TTC22: variants seen among roughly 807,000 people sequenced by gnomAD.
TTC22 encodes tetratricopeptide repeat domain 22.
In TTC22, 42 loss-of-function variants were observed where a neutral mutation model predicts 48.2. That is an observed-to-expected ratio of 0.87 (90% CI 0.68 to 1.13). The LOEUF (loss-of-function observed/expected upper bound fraction) is 1.13, where lower values mean the gene tolerates loss of function less well. Ranked by LOEUF, TTC22 falls within the 50% of genes most tolerant of loss-of-function variation. TTC22 has a pLI of 0.00. For missense variants in TTC22, 784 were observed against 807.0 expected (o/e 0.97, Z 0.34); for synonymous variants, 345 against 365.5 (o/e 0.94, Z 0.64).
intron 1 of TTC22, among the ~76,000 whole-genome samples, chr1:54,799,082 C>T (rs1256473852): frequency 6.6e-6 from 1 of 152,246 alleles, no homozygotes; most frequent in Non-Finnish European, 1.5e-5. Flanking sequence ...GTCTCCAAAT[C>T]CCAAACTCTC....
intron 1 of TTC22, among the ~76,000 whole-genome samples, chr1:54,790,529 G>A (rs754035666): frequency 2.5e-4 from 38 of 152,262 alleles, no homozygotes; most frequent in Admixed American, 5.2e-4. Context: ...CTGGAGGGGA[G>A]AAGGGATGGC....
At chr1:54,784,476 C>T in intron 5 of TTC22, 1 of 919,060 alleles carries the variant, frequency 1.1e-6, no homozygotes, top group Non-Finnish European at 1.3e-6. Context: ...TATGTGGCCT[C>T]ATTTGTAGGA....
rs200133292 is a variant in TTC22 at position 54,800,711 on chromosome 1, G to T, written c.453C>A (p.Ala151=). ...DPQLRAARCL[A]EQGYAHGFDV... ...CGAAGCCATGCGCGTAGCCCTGCTC[G>T]GCCAGGCAGCGAGCGGCGCGGAGCT... Residue 151 remains alanine, a synonymous_variant, in exon 1 of 7, where the codon GCC becomes GCA. Coordinates refer to ENST00000371276, the MANE Select transcript of TTC22 (RefSeq NM_001114108.2). 2.2e-4 allele frequency: 344 copies of T among 1,545,100 alleles called. No homozygotes were observed. The East Asian group carries it at 8.2e-3, about 37-fold the overall frequency.
intron 1 of TTC22, among the ~76,000 whole-genome samples, chr1:54,797,596 C>T (rs1189834580): frequency 2.0e-5 from 3 of 151,822 alleles, no homozygotes; most frequent in Admixed American, 6.6e-5. Flanking sequence ...TGCAGTGAGC[C>T]GAGATCGTGC....
intron 1 of TTC22, among the ~76,000 whole-genome samples, chr1:54,798,425 G>A (rs1208190790): frequency 6.6e-6 from 1 of 152,158 alleles, no homozygotes; most frequent in East Asian, 1.9e-4. Flanking sequence ...CCAACCTTTG[G>A]TCCCCATATC....
At position 54,800,945 on chromosome 1, in the gene TTC22, G is replaced by A. The variant is rs772753940; in HGVS notation, c.219C>T (p.Gly73=). 4 of 1,607,154 alleles carry A rather than the reference G, an allele frequency of 2.5e-6. No individual in the cohort carries two copies. In the Admixed American group the frequency reaches 5.0e-5, roughly 20 times the overall value. Residue 73 remains glycine (G), a synonymous_variant, in exon 1 of 7, where the codon GGC becomes GGT. Coordinates refer to ENST00000371276, the MANE Select transcript of TTC22 (RefSeq NM_001114108.2). ...PQRPAVRHLL[G]AFAFYLEELD... is the part of the protein sequence containing the mutation. ...GCTCCTCCAGGTAGAATGCGAAAGC[G>A]CCCAGGAGGTGACGCACAGCGGGGC... is the stretch of plus-strand genomic sequence containing the variant.
At chr1:54,800,349 T>C (rs920151495) in intron 1 of TTC22, among the ~76,000 whole-genome samples, 7 of 152,150 alleles carry the variant, frequency 4.6e-5, no homozygotes, top group African/African-American at 1.7e-4. Context: ...ATTGTCCAGG[T>C]TGGGCTTGTG....
Position 54,784,902 on chromosome 1 carries a change from G to A in TTC22, c.1020+1081C>T, listed in dbSNP as rs1276357226. The A allele has an allele frequency of 6.2e-6, 5 of 811,102 alleles. No individual in the cohort carries two copies. The South Asian group carries it at 7.2e-5, about 12-fold the overall frequency. The allele number at this position is 811,102 out of a possible 1,614,324, so 50.2% of individuals were successfully genotyped here. On this transcript the variant is annotated intron_variant, in intron 5 of 6. Transcript: ENST00000371276. Reference sequence around the variant, plus strand: ...CTAGCAGGAGGCAGAACTCACCTAAGTGTGTAACTTGCAGAGCTGAATGAC... The same window carrying A: ...CTAGCAGGAGGCAGAACTCACCTAAATGTGTAACTTGCAGAGCTGAATGAC...
chr1:54,794,745 A>G (rs145001795), intron 1 of TTC22: 42 of 152,418 alleles, frequency 2.8e-4, no homozygotes, highest in African/African-American at 9.4e-4. Context: ...CAGATCAGGA[A>G]ACAGAGACTA....
chr1:54,796,285 C>A (rs1329358683), intron 1 of TTC22, among the ~76,000 whole-genome samples: 2 of 152,254 alleles, frequency 1.3e-5, no homozygotes, highest in Non-Finnish European at 2.9e-5. Flanking sequence ...CAGGTCCCCA[C>A]CCCGCTGGGC....
chr1:54,780,515 G>A lies in TTC22; in HGVS notation c.*728C>T, dbSNP rs1024155039. The A allele has an allele frequency of 1.3e-5, 2 of 148,814 alleles. No individual in the cohort carries two copies. The highest frequency in any genetic ancestry group is 4.9e-5 in the African/African-American group (2 of 40,546). 9.2% of individuals were successfully genotyped at this position (148,814 alleles called of 1,614,324 possible). On this transcript the variant is annotated 3_prime_UTR_variant, in exon 7 of 7. Transcript: ENST00000371276. ...AAAAAAAAAAAAAAAAAGGGGGGGGGCAGGTGGCACCTCCTAATGGGTGGC... is the reference window on the plus strand; with the variant it reads ...AAAAAAAAAAAAAAAAAGGGGGGGGACAGGTGGCACCTCCTAATGGGTGGC...
intron 1 of TTC22, among the ~76,000 whole-genome samples, chr1:54,799,144 G>A (rs1557777929): frequency 6.6e-6 from 1 of 152,184 alleles, no homozygotes; most frequent in Non-Finnish European, 1.5e-5. Flanking sequence ...CAGAACTGTG[G>A]AGCAGCTGCT....
In TTC22 at chr1:54,787,696, C is replaced by A. The variant is rs1456821969; in HGVS notation, c.739+15G>T. On this transcript the variant is annotated intron_variant, in intron 3 of 6. Transcript: ENST00000371276. ...GGGCAGAGGCTGCTGTCCCACCCAT[C>A]CCCCGGGTCCCCACCTCGGTGGCGG... is the stretch of plus-strand genomic sequence containing the variant. The A allele has an allele frequency of 6.3e-7, 1 of 1,597,234 alleles. No individual in the cohort carries two copies. Among genetic ancestry groups the A allele is most frequent in the South Asian group, 1.1e-5 (1 of 89,546 alleles).
intron 1 of TTC22, among the ~76,000 whole-genome samples, chr1:54,799,592 G>C (rs948680858): frequency 6.6e-6 from 1 of 152,196 alleles, no homozygotes; most frequent in African/African-American, 2.4e-5. Context: ...TGTCATGACC[G>C]CATTCAACAC....
At chr1:54,783,343 T>G (rs1646276868) in intron 5 of TTC22, among the ~76,000 whole-genome samples, 1 of 152,168 alleles carries the variant, frequency 6.6e-6, no homozygotes, top group Non-Finnish European at 1.5e-5. Context: ...TGGAGGGAGT[T>G]CCACAACTCT....
Position 54,784,921 on chromosome 1 carries a change from G to A in TTC22, c.1020+1062C>T, listed in dbSNP as rs528278842. 21 of 550,884 alleles carry A rather than the reference G, an allele frequency of 3.8e-5. No individual in the cohort carries two copies. In the Admixed American group the frequency reaches 6.5e-4, roughly 17 times the overall value. 34.1% of individuals were successfully genotyped at this position (550,884 alleles called of 1,614,324 possible). A position where few individuals can be genotyped will look rare whatever the true frequency, so the allele number is the denominator to read the frequency against. On this transcript the variant is annotated intron_variant, in intron 5 of 6. Coordinates refer to ENST00000371276, the MANE Select transcript of TTC22 (RefSeq NM_001114108.2). Reference sequence around the variant, plus strand: ...ACCTAAGTGTGTAACTTGCAGAGCTGAATGACTATGCAGTGGACTGCATCA... The same window carrying A: ...ACCTAAGTGTGTAACTTGCAGAGCTAAATGACTATGCAGTGGACTGCATCA...
At position 54,784,809 on chromosome 1, in the gene TTC22, G is replaced by A. The variant is rs958384798; in HGVS notation, c.1020+1174C>T. 6.9e-6 allele frequency: 9 copies of A among 1,300,022 alleles called. No individual in the cohort carries two copies. In the African/African-American group the frequency reaches 1.2e-4, roughly 18 times the overall value. 80.5% of individuals were successfully genotyped at this position (1,300,022 alleles called of 1,614,324 possible). Reference sequence around the variant, plus strand: ...CAGTGAAGTAAACTGGGAGCTCCGAGTCGGCTTCCTCAAGCACATGGGCTC... The same window carrying A: ...CAGTGAAGTAAACTGGGAGCTCCGAATCGGCTTCCTCAAGCACATGGGCTC... On this transcript the variant is annotated intron_variant, in intron 5 of 6. Transcript: ENST00000371276.
In TTC22 at chr1:54,781,210, T is replaced by C; in HGVS notation, c.*33A>G. 7.2e-7 allele frequency: 1 copy of C among 1,384,102 alleles called. No individual in the cohort carries two copies. Among genetic ancestry groups the C allele is most frequent in the Non-Finnish European group, 9.3e-7 (1 of 1,073,250 alleles). 85.7% of individuals were successfully genotyped at this position (1,384,102 alleles called of 1,614,324 possible). On this transcript the variant is annotated 3_prime_UTR_variant, in exon 7 of 7. Transcript: ENST00000371276. ...TCAGCTGGGCGGGGCCTGGGCGGGG[T>C]CCCAGGGAGCCTCCGGCCTGGGCAC...
intron 5 of TTC22, among the ~76,000 whole-genome samples, chr1:54,784,233 G>A (rs920722393): frequency 6.6e-6 from 1 of 152,140 alleles, no homozygotes. Context: ...CCACGCTTAT[G>A]GGCCGCAGCA....
Sources: allele counts gnomAD v4.1 joint callset (sites outside exome capture counted in the v4.1 genomes callset), GRCh38; gene constraint gnomAD v4.1.1; transcripts MANE v1.5; gene names NCBI Gene and HGNC (gene_info 2026-07-23, HGNC 2026-07-21).